Variants in RBFOX1 observed in about 807,000 individuals in gnomAD.
RBFOX1 encodes RNA binding fox-1 homolog 1, also known as RNA binding protein fox-1 homolog 1.
In RBFOX1, 8 loss-of-function variants were observed where a neutral mutation model predicts 57.7. The ratio of observed to expected loss-of-function variants is 0.14; its 90% CI spans 0.08 to 0.25. RBFOX1 has a LOEUF of 0.25. RBFOX1 is among the 10% of genes least tolerant of loss of function. The pLI, the probability that RBFOX1 is intolerant of heterozygous loss-of-function variation, is 1.00. For synonymous variants in RBFOX1, 326 were observed against 222.4 expected, an observed-to-expected ratio of 1.47 and a Z score of -4.15; for missense variants, 611 against 548.5, an observed-to-expected ratio of 1.11 and a Z score of -1.14.
chr16:7,672,104 A>ACCCTC (rs1303322920), intron 13 of RBFOX1, among the ~76,000 whole-genome samples: 2 of 152,104 alleles, frequency 1.3e-5, no homozygotes, highest in Non-Finnish European at 2.9e-5. Flanking sequence ...ATCTAACATA[A>ACCCTC]CCCTCCCTGG....
chr16:5,497,417 A>G (rs1338229255), intron 2 of RBFOX1, among the ~76,000 whole-genome samples: 3 of 151,894 alleles, frequency 2.0e-5, no homozygotes, highest in Non-Finnish European at 2.9e-5. Flanking sequence ...AGCCTTGACT[A>G]TGTGCTATGT....
intron 1 of RBFOX1, among the ~76,000 whole-genome samples, chr16:5,440,527 A>AT (rs1257856822): frequency 6.6e-6 from 1 of 152,104 alleles, no homozygotes; most frequent in Non-Finnish European, 1.5e-5. Context: ...ATGGCATTTA[A>AT]TTTTTCCAGG....
Position 5,501,438 on chromosome 16 carries a change from G to T in RBFOX1, c.258+34184G>T, listed in dbSNP as rs377134651. 1.6e-3 allele frequency among the ~76,000 whole-genome samples: 238 copies of T among 151,978 alleles called. 2 individuals carry two copies. Among genetic ancestry groups the T allele is most frequent in the African/African-American group, 5.5e-3 (230 of 41,446 alleles). On this transcript the variant is annotated intron_variant, in intron 2 of 2. Transcript: ENST00000585867. ...AGACAAACTATGCGGACGCCCTGTC[G>T]ATCTAGTGGAAGGGTTGGTGAGGAG...
chr16:6,314,094 A>G (rs139204158), intron 1 of RBFOX1, among the ~76,000 whole-genome samples: 16 of 152,150 alleles, frequency 1.1e-4, no homozygotes, highest in African/African-American at 2.4e-4. Flanking sequence ...ATGAAATTCA[A>G]TGTTATTACC....
intron 4 of RBFOX1, among the ~76,000 whole-genome samples, chr16:7,221,798 G>C (rs962590306): frequency 6.6e-6 from 1 of 152,194 alleles, no homozygotes; most frequent in Non-Finnish European, 1.5e-5. Context: ...TCTTTTACAA[G>C]CGAGATCTAA....
chr16:5,570,546 A>G (rs1374118583), intron 2 of RBFOX1, among the ~76,000 whole-genome samples: 1 of 152,206 alleles, frequency 6.6e-6, no homozygotes, highest in Non-Finnish European at 1.5e-5. Context: ...CTTGGGCATT[A>G]CAAGCATTTC....
At chr16:5,869,648 C>G (rs140614592) in intron 4 of RBFOX1, among the ~76,000 whole-genome samples, 3 of 152,096 alleles carry the variant, frequency 2.0e-5, no homozygotes, top group African/African-American at 7.2e-5. Flanking sequence ...CGTGATCTGC[C>G]CTCCTCGGCC....
At chr16:7,522,380 A>C (rs11643548) in intron 5 of RBFOX1, among the ~76,000 whole-genome samples, 3 of 152,158 alleles carry the variant, frequency 2.0e-5, no homozygotes, top group Non-Finnish European at 2.9e-5. Context: ...TGGGCATTCA[A>C]CCAGTTGAAT....
chr16:5,859,687 A>C (rs1005657424), intron 3 of RBFOX1, among the ~76,000 whole-genome samples: 3 of 152,184 alleles, frequency 2.0e-5, no homozygotes, highest in African/African-American at 4.8e-5. Context: ...AGGCACCTTG[A>C]ACATATTGTT....
intron 3 of RBFOX1, among the ~76,000 whole-genome samples, chr16:5,814,679 A>C (rs1269609482): frequency 6.6e-6 from 1 of 152,226 alleles, no homozygotes; most frequent in Non-Finnish European, 1.5e-5. Flanking sequence ...CTGTAATCCC[A>C]GCACTTTGGG....
intron 3 of RBFOX1, among the ~76,000 whole-genome samples, chr16:6,840,847 A>C (rs1048124030): frequency 6.8e-6 from 1 of 147,160 alleles, no homozygotes; most frequent in African/African-American, 2.5e-5. Flanking sequence ...AGATCGTCCC[A>C]TTGTACTCTA....
intron 3 of RBFOX1, among the ~76,000 whole-genome samples, chr16:5,746,406 T>A (rs569307302): frequency 7.2e-5 from 11 of 152,352 alleles, no homozygotes; most frequent in Admixed American, 5.9e-4. Flanking sequence ...GGTTTAGGAT[T>A]GTCTTGGCAA....
Position 6,330,313 on chromosome 16 carries a change from C to T in RBFOX1, c.-64+13256C>T, listed in dbSNP as rs553012248. 1.1e-4 allele frequency among the ~76,000 whole-genome samples: 17 copies of T among 152,284 alleles called. No homozygotes were observed. In the East Asian group the frequency reaches 1.7e-3, roughly 16 times the overall value. On this transcript the variant is annotated intron_variant, in intron 2 of 15. Transcript: ENST00000550418. Reference sequence around the variant, plus strand: ...CCTTTCCTAAGGCTGACTCTGCAAACATGAGGTTTTGAAGAACTTGAAGGT... The same window carrying T: ...CCTTTCCTAAGGCTGACTCTGCAAATATGAGGTTTTGAAGAACTTGAAGGT...
chr16:7,286,447 TA>T (rs1451872157), intron 4 of RBFOX1, among the ~76,000 whole-genome samples: 1,948 of 148,252 alleles, frequency 0.013, 55 homozygotes, highest in African/African-American at 0.047. Flanking sequence ...GATACTTTCT[TA>T]TTTTTTTTTT....
At chr16:7,439,365 TAAAAAA>T in intron 4 of RBFOX1, among the ~76,000 whole-genome samples, 1 of 143,688 alleles carries the variant, frequency 7.0e-6, no homozygotes, top group African/African-American at 2.6e-5. Flanking sequence ...AAAGGCAGAT[TAAAAAA>T]AAAAAAAAAT....
chr16:6,885,124 G>A (rs1166228375), intron 3 of RBFOX1, among the ~76,000 whole-genome samples: 1 of 152,154 alleles, frequency 6.6e-6, no homozygotes, highest in Non-Finnish European at 1.5e-5. Flanking sequence ...ACGGAAGGAG[G>A]AAAGTCTCAA....
intron 1 of RBFOX1, among the ~76,000 whole-genome samples, chr16:6,137,887 G>C (rs1242145059): frequency 6.6e-6 from 1 of 152,198 alleles, no homozygotes; most frequent in African/African-American, 2.4e-5. Context: ...TGGGATCACA[G>C]ACATGAACCC....
At chr16:6,889,503 C>G (rs556169835) in intron 3 of RBFOX1, among the ~76,000 whole-genome samples, 1 of 152,246 alleles carries the variant, frequency 6.6e-6, no homozygotes, top group Non-Finnish European at 1.5e-5. Flanking sequence ...GTATTTTGAG[C>G]TGTGTGTTGG....
chr16:6,658,834 C>T (rs1372267227), intron 3 of RBFOX1, among the ~76,000 whole-genome samples: 1 of 152,100 alleles, frequency 6.6e-6, no homozygotes. Context: ...TAAACTCTCT[C>T]AGAGGGTGTC....
Sources: gnomAD v4.1 joint callset for allele counts (sites outside exome capture counted in the v4.1 genomes callset) on GRCh38, gnomAD v4.1.1 for gene constraint, MANE v1.5 for transcripts, NCBI Gene and HGNC (gene_info 2026-07-23, HGNC 2026-07-21) for gene names.